Variants in POLR3F observed in about 807,000 individuals in gnomAD.
The protein encoded by POLR3F is RNA polymerase III subunit F, also known as DNA-directed RNA polymerase III subunit RPC6.
Under a neutral mutation model 43.6 loss-of-function variants are expected in POLR3F, and 31 were observed. The ratio of observed to expected loss-of-function variants is 0.71; its 90% CI spans 0.53 to 0.96. The LOEUF (loss-of-function observed/expected upper bound fraction) is 0.96, where lower values mean the gene tolerates loss of function less well. Among genes scored for constraint, POLR3F ranks in the 40% least tolerant of loss-of-function variants. The pLI is 0.00. For synonymous variants in POLR3F, 114 were observed against 132.5 expected (o/e 0.86, Z 0.96); for missense variants, 316 against 391.7 (o/e 0.81, Z 1.63).
chr20:18,471,373 C>T (rs983189763), intron 2 of POLR3F, among the ~76,000 whole-genome samples: 4 of 152,176 alleles, frequency 2.6e-5, no homozygotes, highest in Admixed American at 2.0e-4. Context: ...CAGGTTGGGC[C>T]GCAGCCTGTT....
Position 18,475,205 on chromosome 20 carries a change from C to G in POLR3F, c.429+18C>G, listed in dbSNP as rs148096310. ...CTGTAGCAGTGAGTAGTCCTTTCCTCAGATACCCACTTACATATGTTGCTT... is the reference window on the plus strand; with the variant it reads ...CTGTAGCAGTGAGTAGTCCTTTCCTGAGATACCCACTTACATATGTTGCTT... On this transcript the variant is annotated intron_variant, in intron 5 of 8. Coordinates refer to ENST00000377603, the MANE Select transcript of POLR3F (RefSeq NM_006466.4). 1.2e-4 allele frequency: 104 copies of G among 875,434 alleles called. No individual in the cohort carries two copies. In the African/African-American group the frequency reaches 1.5e-3, roughly 12 times the overall value. The allele number at this position is 875,434 out of a possible 1,614,324, so 54.2% of individuals were successfully genotyped here.
At chr20:18,467,609 C>G in intron 1 of POLR3F, 41 bp downstream of exon 1, 1 of 1,613,984 alleles carries the variant, frequency 6.2e-7, no homozygotes, top group Non-Finnish European at 8.5e-7. Context: ...CATCAGGCGC[C>G]CAGTCATTTG....
Position 18,473,427 on chromosome 20 carries a change from A to T in POLR3F, c.285A>T (p.Val95=). 6.7e-7 allele frequency: 1 copy of T among 1,483,754 alleles called. No individual in the cohort carries two copies. Among genetic ancestry groups the T allele is most frequent in the Non-Finnish European group, 9.4e-7 (1 of 1,061,994 alleles). The allele number at this position is 1,483,754 out of a possible 1,614,324, so 91.9% of individuals were successfully genotyped here. A position where few individuals can be genotyped will look rare whatever the true frequency, so the allele number is the denominator to read the frequency against. The change falls in exon 4 of 9, where the codon GTA becomes GTT. Residue 95 remains valine (V), a synonymous_variant. Transcript: ENST00000377603. ...MKGSDNQEKL[V]YQIIEDAGNK... is the part of the protein sequence containing the mutation. ...GATCCGATAACCAAGAAAAACTAGT[A>T]TATCAAATCATAGAGGATGCAGGAA...
At chr20:18,468,152 C>T (rs745431313) in intron 1 of POLR3F, among the ~76,000 whole-genome samples, 3 of 152,228 alleles carry the variant, frequency 2.0e-5, no homozygotes, top group Non-Finnish European at 4.4e-5. Context: ...TCTCGGTTCA[C>T]TGCAATCTCC....
At chr20:18,471,388 G>C (rs1378909592) in intron 2 of POLR3F, among the ~76,000 whole-genome samples, 1 of 152,156 alleles carries the variant, frequency 6.6e-6, no homozygotes, top group African/African-American at 2.4e-5. Flanking sequence ...CCTGTTCTCC[G>C]AGTACCCAAT....
chr20:18,475,561 CGTA>C (rs2059775413), intron 5 of POLR3F, among the ~76,000 whole-genome samples: 1 of 152,150 alleles, frequency 6.6e-6, no homozygotes, highest in African/African-American at 2.4e-5. Flanking sequence ...ATGAACAAGT[CGTA>C]GAAAGATCCC....
In POLR3F at chr20:18,467,577, G is replaced by T; in HGVS notation, c.62+9G>T. On this transcript the variant is annotated intron_variant, in intron 1 of 8. Coordinates refer to ENST00000377603, the MANE Select transcript of POLR3F (RefSeq NM_006466.4). ...GTCGAAATAGAAAACAGGTAAACCA[G>T]TGAGGCTCCGGCTTGGCACTCCATC... is the stretch of plus-strand genomic sequence containing the variant. 1 of 1,614,244 alleles carries T rather than the reference G, an allele frequency of 6.2e-7. No individual in the cohort carries two copies. Among genetic ancestry groups the T allele is most frequent in the Non-Finnish European group, 8.5e-7 (1 of 1,180,038 alleles).
intron 2 of POLR3F, among the ~76,000 whole-genome samples, chr20:18,471,933 G>A (rs2059754694): frequency 6.6e-6 from 1 of 152,212 alleles, no homozygotes; most frequent in Non-Finnish European, 1.5e-5. Flanking sequence ...AGTGAGCCGA[G>A]ATTGTGCCAC....
intron 1 of POLR3F, among the ~76,000 whole-genome samples, chr20:18,468,108 C>G (rs962721599): frequency 6.6e-6 from 1 of 152,190 alleles, no homozygotes; most frequent in Admixed American, 6.5e-5. Flanking sequence ...GACAGAGTCT[C>G]GCTCTGTCGC....
chr20:18,473,131 ATCTT>A (rs1343523304), intron 3 of POLR3F: 1 of 338,676 alleles, frequency 3.0e-6, no homozygotes, highest in African/African-American at 2.1e-5. Context: ...TTTATATATA[ATCTT>A]TCTCTTTTTT....
chr20:18,475,714 C>T (rs1214186312), intron 5 of POLR3F, among the ~76,000 whole-genome samples: 1 of 152,102 alleles, frequency 6.6e-6, no homozygotes, highest in African/African-American at 2.4e-5. Flanking sequence ...ACTGAGATTC[C>T]CCTAGAATAA....
chr20:18,468,178 G>C (rs945540370), intron 1 of POLR3F, among the ~76,000 whole-genome samples: 1 of 152,210 alleles, frequency 6.6e-6, no homozygotes, highest in Non-Finnish European at 1.5e-5. Flanking sequence ...CCGGGTTCAA[G>C]CGATTCCCCT....
chr20:18,473,429 A>G lies in POLR3F; in HGVS notation c.287A>G (p.Tyr96Cys). The change falls in exon 4 of 9, where the codon TAT becomes TGT. Residue 96 changes from tyrosine (Y) to cysteine (C), a missense_variant. This residue lies in a region of POLR3F where 122 missense variants were observed against 133.8 expected (regional missense o/e 0.91). Coordinates refer to ENST00000377603, the MANE Select transcript of POLR3F (RefSeq NM_006466.4). ...TCCGATAACCAAGAAAAACTAGTAT[A>G]TCAAATCATAGAGGATGCAGGAAAT... Reference protein sequence around the residue: ...KGSDNQEKLVYQIIEDAGNKG... With the variant: ...KGSDNQEKLVCQIIEDAGNKG... The G allele has an allele frequency of 6.7e-7, 1 of 1,490,762 alleles. No homozygotes were observed. The highest frequency in any genetic ancestry group is 9.4e-7 in the Non-Finnish European group (1 of 1,068,376). The allele number at this position is 1,490,762 out of a possible 1,614,324, so 92.3% of individuals were successfully genotyped here.
intron 1 of POLR3F, 78 bp downstream of exon 1, chr20:18,467,646 C>T: frequency 1.2e-6 from 2 of 1,605,650 alleles, no homozygotes; most frequent in Non-Finnish European, 1.7e-6. Context: ...CTCCGGGATC[C>T]CTTGGGAGTG....
chr20:18,483,944 T>C lies in POLR3F; in HGVS notation c.*386T>C, dbSNP rs2059824141. Reference sequence around the variant, plus strand: ...TAAAGTTATTTATTAAGTTCTTCATTGGAAGTTTTTTTTTATATCTGGTTC... The same window carrying C: ...TAAAGTTATTTATTAAGTTCTTCATCGGAAGTTTTTTTTTATATCTGGTTC... On this transcript the variant is annotated 3_prime_UTR_variant, in exon 9 of 9. Transcript: ENST00000377603. 2.5e-6 allele frequency: 1 copy of C among 396,914 alleles called. No homozygotes were observed. The highest frequency in any genetic ancestry group is 3.6e-5 in the East Asian group (1 of 28,032). The allele number at this position is 396,914 out of a possible 1,614,324, so 24.6% of individuals were successfully genotyped here. A position where few individuals can be genotyped will look rare whatever the true frequency, so the allele number is the denominator to read the frequency against.
intron 7 of POLR3F, 74 bp downstream of exon 7, chr20:18,480,583 G>T: frequency 1.2e-6 from 1 of 815,350 alleles, no homozygotes; most frequent in South Asian, 1.6e-5. Flanking sequence ...ACATGTATTT[G>T]ACCCACATTG....
chr20:18,468,924 A>T lies in POLR3F; in HGVS notation c.63-20A>T. 1 of 1,130,898 alleles carries T rather than the reference A, an allele frequency of 8.8e-7. No homozygotes were observed. Among genetic ancestry groups the T allele is most frequent in the Non-Finnish European group, 1.4e-6 (1 of 738,692 alleles). The allele number at this position is 1,130,898 out of a possible 1,614,324, so 70.1% of individuals were successfully genotyped here. On this transcript the variant is annotated intron_variant, in intron 1 of 8. Transcript: ENST00000377603. ...GAAACAGGTAACCATGAAGGATAAC[A>T]TTAATACCTTTGTTTCTAGGATTAT...
In POLR3F at chr20:18,473,438, T is replaced by C; in HGVS notation, c.296T>C (p.Ile99Thr). The C allele has an allele frequency of 2.0e-6, 3 of 1,487,274 alleles. No individual in the cohort carries two copies. The highest frequency in any genetic ancestry group is 1.9e-6 in the Non-Finnish European group (2 of 1,065,396). The allele number at this position is 1,487,274 out of a possible 1,614,324, so 92.1% of individuals were successfully genotyped here. The change falls in exon 4 of 9, where the codon ATA (isoleucine) becomes ACA (threonine). Residue 99 changes from isoleucine to threonine, a missense_variant. Physicochemically the swap from Ile to Thr is moderately conservative, Grantham distance 89. Around this residue, in one of 3 missense-constraint regions of POLR3F, gnomAD observed 122 missense variants for 133.8 expected, o/e 0.91. Coordinates refer to ENST00000377603, the MANE Select transcript of POLR3F (RefSeq NM_006466.4). Reference sequence around the variant, plus strand: ...CAAGAAAAACTAGTATATCAAATCATAGAGGATGCAGGAAATAAAGGTAAG... The same window carrying C: ...CAAGAAAAACTAGTATATCAAATCACAGAGGATGCAGGAAATAAAGGTAAG... ...DNQEKLVYQI[I>T]EDAGNKGIWS...
rs1185987216 is a variant in POLR3F, at chr20:18,484,056, G to A, written c.*498G>A. 1.3e-5 allele frequency: 5 copies of A among 398,366 alleles called. No homozygotes were observed. In the Admixed American group the frequency reaches 1.3e-4, roughly 11 times the overall value. The allele number at this position is 398,366 out of a possible 1,614,324, so 24.7% of individuals were successfully genotyped here. A position where few individuals can be genotyped will look rare whatever the true frequency, so the allele number is the denominator to read the frequency against. On this transcript the variant is annotated 3_prime_UTR_variant, in exon 9 of 9. Transcript: ENST00000377603. ...GTTAAAGGCAGGAATAGCAAAGAGT[G>A]CAAACTTGGGGTATGACTGGGGGAG...
Sources: allele counts gnomAD v4.1 joint callset (sites outside exome capture counted in the v4.1 genomes callset), GRCh38; gene constraint gnomAD v4.1.1; regional missense constraint gnomAD v4.1.1; transcripts MANE v1.5; gene names NCBI Gene and HGNC (gene_info 2026-07-23, HGNC 2026-07-21).